The following SCN8A variants were observed in gnomAD, a reference collection of about 807,000 sequenced individuals.
The protein encoded by SCN8A is sodium channel protein type 8 subunit alpha.
A neutral mutation model predicts 184.1 loss-of-function variants in SCN8A; 30 were observed. That is an observed-to-expected ratio of 0.16 (90% CI 0.12 to 0.22). The LOEUF is 0.22. SCN8A is among the 10% of genes least tolerant of loss of function. The probability of loss-of-function intolerance (pLI) is 1.00; values close to 1 mark genes in which losing one functional copy is unlikely to be tolerated. For missense variants in SCN8A, 1,057 were observed against 2,498.9 expected (o/e 0.42, Z 12.30); for synonymous variants, 852 against 907.0 (o/e 0.94, Z 1.09).
intron 11 of SCN8A, among the ~76,000 whole-genome samples, chr12:51,720,526 G>A (rs1454894497): frequency 6.6e-6 from 1 of 151,362 alleles, no homozygotes; most frequent in African/African-American, 2.4e-5. Flanking sequence ...AATGGGTGCA[G>A]CACACCAACA....
intron 19 of SCN8A, among the ~76,000 whole-genome samples, chr12:51,773,603 TC>T (rs892383479): frequency 3.9e-5 from 6 of 152,228 alleles, no homozygotes; most frequent in Non-Finnish European, 7.3e-5. Flanking sequence ...GTTTGGCAGT[TC>T]CTCAAAAAAT....
chr12:51,678,123 A>G (rs530158985), intron 2 of SCN8A, among the ~76,000 whole-genome samples: 15 of 152,364 alleles, frequency 9.8e-5, no homozygotes, highest in Middle Eastern at 3.4e-3. Context: ...TTAATCAGCC[A>G]TATGAAACAT....
chr12:51,673,575 T>C (rs1941170166), intron 2 of SCN8A, among the ~76,000 whole-genome samples: 1 of 152,138 alleles, frequency 6.6e-6, no homozygotes, highest in East Asian at 1.9e-4. Flanking sequence ...CAGAAGAAAG[T>C]TGGATATAGT....
At chr12:51,695,370 A>C (rs992011011) in intron 6 of SCN8A, among the ~76,000 whole-genome samples, 1 of 152,188 alleles carries the variant, frequency 6.6e-6, no homozygotes, top group African/African-American at 2.4e-5. Flanking sequence ...ATGTTTACAC[A>C]TTTCTTTAGC....
At chr12:51,707,409 C>CT (rs1941802707) in intron 11 of SCN8A, among the ~76,000 whole-genome samples, 1 of 152,150 alleles carries the variant, frequency 6.6e-6, no homozygotes, top group African/African-American at 2.4e-5. Context: ...GAGAGTGAGT[C>CT]TGAGTCCCAA....
chr12:51,726,133 T>A (rs1203556410), intron 12 of SCN8A, among the ~76,000 whole-genome samples: 2 of 152,262 alleles, frequency 1.3e-5, no homozygotes, highest in African/African-American at 4.8e-5. Context: ...GTTATTCAGT[T>A]GTGATTGAGT....
At chr12:51,691,167 T>TG (rs2138720431) in intron 6 of SCN8A, among the ~76,000 whole-genome samples, 1 of 152,306 alleles carries the variant, frequency 6.6e-6, no homozygotes, top group Non-Finnish European at 1.5e-5. Flanking sequence ...TTGTGTTTTC[T>TG]GCTCACTTCC....
In SCN8A at chr12:51,706,519, T is replaced by C. The variant is rs1159903256; in HGVS notation, c.1439T>C (p.Ile480Thr). ...GGCTCCCCTCGGAGCTCTTCTGAAA[T>C]CTCTAAACTCAGCTCAAAGAGTGCA... ...GGGSPRSSSE[I>T]SKLSSKSAKE... is the part of the protein sequence containing the mutation. The change falls in exon 11 of 27, where the codon ATC (isoleucine) becomes ACC (threonine). Residue 480 changes from isoleucine to threonine, a missense_variant. Coordinates refer to ENST00000627620, the MANE Select transcript of SCN8A (RefSeq NM_001330260.2). 5 of 1,605,246 alleles carry C rather than the reference T, an allele frequency of 3.1e-6. No homozygotes were observed. Among genetic ancestry groups the C allele is most frequent in the Admixed American group, 1.7e-5 (1 of 58,626 alleles).
At chr12:51,620,830 A>G (rs1157844379) in intron 1 of SCN8A, among the ~76,000 whole-genome samples, 3 of 151,942 alleles carry the variant, frequency 2.0e-5, no homozygotes, top group Non-Finnish European at 2.9e-5. Flanking sequence ...TCTATTTAAA[A>G]AAAAAAAAAA....
At chr12:51,605,169 A>G (rs1460469485) in intron 1 of SCN8A, among the ~76,000 whole-genome samples, 2 of 152,134 alleles carry the variant, frequency 1.3e-5, no homozygotes, top group African/African-American at 4.8e-5. Flanking sequence ...TGGTTACATC[A>G]GTAAGTTCTT....
intron 26 of SCN8A, among the ~76,000 whole-genome samples, chr12:51,799,735 C>G (rs1177967388): frequency 6.6e-6 from 1 of 152,202 alleles, no homozygotes. Context: ...GTAACATACT[C>G]AAATGAGGAA....
intron 6 of SCN8A, among the ~76,000 whole-genome samples, chr12:51,696,152 T>G (rs1219683785): frequency 6.6e-6 from 1 of 152,242 alleles, no homozygotes; most frequent in Non-Finnish European, 1.5e-5. Flanking sequence ...AATGGTAAAG[T>G]CCTTTAACAG....
At chr12:51,765,198 A>G (rs1310113286) in intron 15 of SCN8A, among the ~76,000 whole-genome samples, 3 of 151,936 alleles carry the variant, frequency 2.0e-5, no homozygotes, top group African/African-American at 7.3e-5. Context: ...GCCATTGATT[A>G]TTTATTGGCA....
intron 12 of SCN8A, among the ~76,000 whole-genome samples, chr12:51,733,388 A>G (rs1942274953): frequency 6.6e-6 from 1 of 152,228 alleles, no homozygotes; most frequent in Non-Finnish European, 1.5e-5. Flanking sequence ...CCTTTCATGC[A>G]TCCCAGAGAT....
At chr12:51,728,161 T>C (rs1444131566) in intron 12 of SCN8A, among the ~76,000 whole-genome samples, 2 of 152,154 alleles carry the variant, frequency 1.3e-5, no homozygotes, top group African/African-American at 4.8e-5. Context: ...CAATTTTAGT[T>C]TGTGTCATGT....
intron 1 of SCN8A, among the ~76,000 whole-genome samples, chr12:51,639,042 G>A (rs1292986135): frequency 6.6e-6 from 1 of 152,014 alleles, no homozygotes; most frequent in African/African-American, 2.4e-5. Flanking sequence ...GTGCAGTGGT[G>A]CAATTATGGC....
chr12:51,630,788 A>AT (rs916100913), intron 1 of SCN8A, among the ~76,000 whole-genome samples: 3 of 151,718 alleles, frequency 2.0e-5, no homozygotes, highest in East Asian at 1.9e-4. Context: ...AGACTAATGA[A>AT]TTTTTTTTCC....
At position 51,774,252 on chromosome 12, in the gene SCN8A, A is replaced by G; in HGVS notation, c.3709A>G (p.Lys1237Glu). ...CCGCACCATCCTGGAATATGCTGAC[A>G]AAGTCTTCACCTATATCTTCATCCT... ...TIRTILEYAD[K>E]VFTYIFILEM... The change falls in exon 20 of 27, where the codon AAA (lysine) becomes GAA (glutamate). Residue 1237 changes from lysine (K) to glutamate (E), a missense_variant. By Grantham distance (56) the Lys-to-Glu change is moderately conservative. This residue lies in a region of SCN8A where 43 missense variants were observed against 118.4 expected (regional missense o/e 0.36). Transcript: ENST00000627620. The G allele has an allele frequency of 1.2e-6, 2 of 1,614,114 alleles. No individual in the cohort carries two copies. The highest frequency in any genetic ancestry group is 1.7e-6 in the Non-Finnish European group (2 of 1,179,958).
chr12:51,688,324 G>A (rs985638162), intron 5 of SCN8A, among the ~76,000 whole-genome samples: 3 of 152,168 alleles, frequency 2.0e-5, no homozygotes, highest in African/African-American at 7.2e-5. Flanking sequence ...CAGACATTTA[G>A]TCAATTTTGC....
Sources: allele counts gnomAD v4.1 joint callset (sites outside exome capture counted in the v4.1 genomes callset), GRCh38; gene constraint gnomAD v4.1.1; regional missense constraint gnomAD v4.1.1; transcripts MANE v1.5; gene names NCBI Gene and HGNC (gene_info 2026-07-23, HGNC 2026-07-21).